The following CLNK variants were observed in gnomAD, a reference collection of about 807,000 sequenced individuals.
CLNK encodes cytokine-dependent hematopoietic cell linker.
In CLNK, 74 loss-of-function variants were observed where a neutral mutation model predicts 68.6. The observed-to-expected ratio is 1.08, with a 90% CI of 0.89 to 1.31. CLNK has a LOEUF of 1.31. CLNK is among the 50% of genes most tolerant of loss of function. The pLI is 0.00. For synonymous variants in CLNK, 198 were observed against 172.2 expected, an observed-to-expected ratio of 1.15 and a Z score of -1.17; for missense variants, 553 against 515.3, an observed-to-expected ratio of 1.07 and a Z score of -0.71.
the CLNK span, among the ~76,000 whole-genome samples, chr4:10,733,562 G>A: frequency 1.3e-5 from 2 of 152,212 alleles, no homozygotes; most frequent in Non-Finnish European, 2.9e-5. Flanking sequence ...AGCACCTTCA[G>A]TGAATGATAG....
At chr4:10,649,008 G>A (rs995434167) in intron 2 of CLNK, among the ~76,000 whole-genome samples, 1 of 152,134 alleles carries the variant, frequency 6.6e-6, no homozygotes, top group Non-Finnish European at 1.5e-5. Flanking sequence ...AATAGGAAGA[G>A]CACAAAGTTT....
intron 2 of CLNK, among the ~76,000 whole-genome samples, chr4:10,647,552 A>G (rs942694003): frequency 6.6e-6 from 1 of 152,164 alleles, no homozygotes; most frequent in Non-Finnish European, 1.5e-5. Context: ...TATTTTATGG[A>G]CATATGATTG....
intron 2 of CLNK, among the ~76,000 whole-genome samples, chr4:10,638,305 T>C (rs1723175573): frequency 6.6e-6 from 1 of 152,220 alleles, no homozygotes; most frequent in South Asian, 2.1e-4. Flanking sequence ...ATAAATTGTG[T>C]GCATCCAGAT....
intron 18 of CLNK, among the ~76,000 whole-genome samples, chr4:10,493,211 G>T (rs547305556): frequency 7.2e-5 from 11 of 152,320 alleles, no homozygotes; most frequent in Admixed American, 5.9e-4. Context: ...CCAGCTACTT[G>T]GGAGGCTGAG....
At chr4:10,515,775 T>C (rs1419431632) in intron 15 of CLNK, among the ~76,000 whole-genome samples, 2 of 152,258 alleles carry the variant, frequency 1.3e-5, no homozygotes, top group African/African-American at 4.8e-5. Flanking sequence ...TAATAGCATA[T>C]ATCAACAGTG....
At chr4:10,613,374 G>A (rs970482847) in intron 2 of CLNK, among the ~76,000 whole-genome samples, 1 of 152,170 alleles carries the variant, frequency 6.6e-6, no homozygotes, top group African/African-American at 2.4e-5. Context: ...AAAGTTCAAA[G>A]GCAGGAATGT....
chr4:10,581,997 G>A (rs564680869), intron 4 of CLNK, among the ~76,000 whole-genome samples: 1 of 152,274 alleles, frequency 6.6e-6, no homozygotes, highest in South Asian at 2.1e-4. Context: ...CTGCCAAAGA[G>A]CGTAAACCCT....
chr4:10,604,039 G>C (rs1189650755), intron 2 of CLNK, among the ~76,000 whole-genome samples: 1 of 152,212 alleles, frequency 6.6e-6, no homozygotes. Context: ...GAGTAGACTG[G>C]ATATGAATGC....
intron 4 of CLNK, among the ~76,000 whole-genome samples, chr4:10,577,110 C>G (rs142912271): frequency 1.8e-3 from 271 of 152,256 alleles, no homozygotes; most frequent in African/African-American, 6.1e-3. Flanking sequence ...AAATAGGAAG[C>G]CTGCAGAGGT....
chr4:10,533,145 C>T (rs1485365018), intron 11 of CLNK, among the ~76,000 whole-genome samples: 1 of 152,138 alleles, frequency 6.6e-6, no homozygotes, highest in Admixed American at 6.6e-5. Context: ...GTAGTCCCAG[C>T]TACTCGGGAG....
At chr4:10,704,549 T>G in the CLNK span, among the ~76,000 whole-genome samples, 64 of 152,284 alleles carry the variant, frequency 4.2e-4, no homozygotes, top group Non-Finnish European at 5.4e-4. Flanking sequence ...TCCCTCCACT[T>G]GGATCAACCA....
chr4:10,566,159 G>A lies in CLNK; in HGVS notation c.151-9C>T, dbSNP rs1720103456. ...GCAGCAAAGTTTCTTTCCTAAGCAG[G>A]TGGTAACATTCCAGTGAGTCAAAGG... On this transcript the variant is annotated splice_polypyrimidine_tract_variant and intron_variant, in intron 5 of 18. Transcript: ENST00000226951. 1 of 1,613,208 alleles carries A rather than the reference G, an allele frequency of 6.2e-7. No individual in the cohort carries two copies. The highest frequency in any genetic ancestry group is 1.3e-5 in the African/African-American group (1 of 75,026).
At chr4:10,532,410 G>T in intron 11 of CLNK, 127 bp from the exon 12 acceptor site, 1 of 716,070 alleles carries the variant, frequency 1.4e-6, no homozygotes, top group Non-Finnish European at 2.4e-6. Flanking sequence ...AGTCCAGTGA[G>T]ATATTTATCA....
chr4:10,531,108 T>C lies in CLNK; in HGVS notation c.630+1148A>G, dbSNP rs1483094914. On this transcript the variant is annotated intron_variant, in intron 12 of 18. Transcript: ENST00000226951. ...CAAGGAAAGACATTCACGTCTACTA[T>C]ATAGATAAGAGCATAGGTCAAACAC... Among the ~76,000 whole-genome samples, 3 of 152,222 alleles carry C rather than the reference T, an allele frequency of 2.0e-5. No individual in the cohort carries two copies. In the South Asian group the frequency reaches 6.2e-4, roughly 32 times the overall value.
intron 16 of CLNK, among the ~76,000 whole-genome samples, chr4:10,510,846 A>T (rs939901314): frequency 6.6e-6 from 1 of 152,224 alleles, no homozygotes; most frequent in African/African-American, 2.4e-5. Flanking sequence ...GGAAGGCCCC[A>T]CTTCAAGCTG....
chr4:10,618,248 A>T (rs2720370), intron 2 of CLNK, among the ~76,000 whole-genome samples: 105,714 of 152,104 alleles, frequency 0.7, 37,647 homozygotes, highest in Non-Finnish European at 0.77. Context: ...AATATCATGA[A>T]AAGTGAAAGA....
At chr4:10,610,609 A>C (rs986883963) in intron 2 of CLNK, among the ~76,000 whole-genome samples, 1 of 152,054 alleles carries the variant, frequency 6.6e-6, no homozygotes, top group Non-Finnish European at 1.5e-5. Flanking sequence ...CTGTCAAGAG[A>C]TGTAGCTTTT....
At chr4:10,727,593 A>T in the CLNK span, among the ~76,000 whole-genome samples, 1 of 152,204 alleles carries the variant, frequency 6.6e-6, no homozygotes, top group African/African-American at 2.4e-5. Flanking sequence ...TACACACCCT[A>T]TGGGCCTGCA....
At chr4:10,529,409 C>T (rs934657614) in intron 12 of CLNK, among the ~76,000 whole-genome samples, 1 of 152,172 alleles carries the variant, frequency 6.6e-6, no homozygotes, top group Admixed American at 6.5e-5. Context: ...GCTAAACTAA[C>T]CCTGAGCCCA....
Sources: allele counts gnomAD v4.1 joint callset (sites outside exome capture counted in the v4.1 genomes callset), GRCh38; gene constraint gnomAD v4.1.1; transcripts MANE v1.5; gene names NCBI Gene and HGNC (gene_info 2026-07-23, HGNC 2026-07-21).